TMEM117: variants seen among roughly 807,000 people sequenced by gnomAD.
The protein encoded by TMEM117 is transmembrane protein 117.
Under a neutral mutation model 52.4 loss-of-function variants are expected in TMEM117, and 27 were observed. That is an observed-to-expected ratio of 0.51 (90% confidence interval 0.38 to 0.71). TMEM117 has a LOEUF of 0.71. TMEM117 is among the 30% of genes least tolerant of loss of function. The pLI, the probability that TMEM117 is intolerant of heterozygous loss-of-function variation, is 0.00. For missense variants in TMEM117, 556 were observed against 630.5 expected (o/e 0.88, Z 1.26); for synonymous variants, 215 against 206.3 (o/e 1.04, Z -0.36).
At chr12:44,314,133 CTA>C (rs376150636) in intron 6 of TMEM117, among the ~76,000 whole-genome samples, 2 of 152,272 alleles carry the variant, frequency 1.3e-5, no homozygotes, top group African/African-American at 4.8e-5. Flanking sequence ...ACTTCCAACA[CTA>C]TGTTGAATAG....
At chr12:44,171,790 G>A (rs1565859413) in intron 4 of TMEM117, among the ~76,000 whole-genome samples, 1 of 152,010 alleles carries the variant, frequency 6.6e-6, no homozygotes. Context: ...GAGAGGGGAC[G>A]GTAACTTTAG....
intron 2 of TMEM117, among the ~76,000 whole-genome samples, chr12:43,876,087 C>A (rs950080752): frequency 2.0e-5 from 3 of 152,216 alleles, no homozygotes; most frequent in African/African-American, 7.2e-5. Flanking sequence ...TCTGAAGGTA[C>A]AAGAGAAAAG....
intron 2 of TMEM117, among the ~76,000 whole-genome samples, chr12:43,920,547 G>GC (rs200555381): frequency 2.3e-4 from 27 of 118,254 alleles, no homozygotes; most frequent in African/African-American, 8.6e-4. Context: ...AACCTAGAGG[G>GC]CCTTTTTTTT....
chr12:44,229,415 C>T (rs752167658), intron 5 of TMEM117, among the ~76,000 whole-genome samples: 5 of 152,032 alleles, frequency 3.3e-5, no homozygotes. Context: ...CAGAGTCACC[C>T]CACTATGACC....
intron 2 of TMEM117, among the ~76,000 whole-genome samples, chr12:43,927,755 G>GTATATAAT (rs1463757088): frequency 6.6e-6 from 1 of 151,704 alleles, no homozygotes; most frequent in Non-Finnish European, 1.5e-5. Flanking sequence ...GTTTTATCTG[G>GTATATAAT]TATATAATTT....
chr12:43,822,864 T>C, the TMEM117 span, among the ~76,000 whole-genome samples: 2 of 150,800 alleles, frequency 1.3e-5, no homozygotes, highest in African/African-American at 2.4e-5. Context: ...ATTATGCCAC[T>C]GCACTACAGC....
chr12:44,303,125 C>A (rs1420056855), intron 6 of TMEM117, among the ~76,000 whole-genome samples: 1 of 151,886 alleles, frequency 6.6e-6, no homozygotes, highest in African/African-American at 2.4e-5. Context: ...CTCACTGCAA[C>A]CTCTGCCTCC....
intron 3 of TMEM117, among the ~76,000 whole-genome samples, chr12:44,031,429 C>A (rs184185246): frequency 1.3e-5 from 2 of 152,002 alleles, no homozygotes; most frequent in East Asian, 1.9e-4. Flanking sequence ...TATAGGACTT[C>A]GACAGGTGCA....
In TMEM117 at chr12:43,990,916, TTA is replaced by T. The variant is rs148181758; in HGVS notation, c.410+46576_410+46577del. On this transcript the variant is annotated intron_variant, in intron 3 of 7. Transcript: ENST00000266534. ...TACATTGTCCATGGAAATTAGCATA[TTA>T]TTATACGCTGGTGCTTTAGGGAATT... Among the ~76,000 whole-genome samples the T allele has an allele frequency of 6.0e-3, 908 of 152,312 alleles. 11 individuals are homozygous for T. The highest frequency in any genetic ancestry group is 0.021 in the African/African-American group (855 of 41,554).
At chr12:43,947,185 A>T (rs907656961) in intron 3 of TMEM117, among the ~76,000 whole-genome samples, 3 of 152,060 alleles carry the variant, frequency 2.0e-5, no homozygotes, top group Admixed American at 6.6e-5. Flanking sequence ...AAATAAAAAA[A>T]CTTAGCTGGG....
At chr12:44,396,083 A>G in the TMEM117 span, among the ~76,000 whole-genome samples, 2 of 152,118 alleles carry the variant, frequency 1.3e-5, no homozygotes, top group East Asian at 3.9e-4. Context: ...AATAAAATGC[A>G]TATTACTGCC....
At chr12:43,946,406 T>TTTTTA (rs147787124) in intron 3 of TMEM117, among the ~76,000 whole-genome samples, 4 of 131,834 alleles carry the variant, frequency 3.0e-5, no homozygotes, top group African/African-American at 8.3e-5. Context: ...TTTGTTTTTT[T>TTTTTA]ATCTAGAGCT....
At chr12:44,106,712 G>GA (rs1947960799) in intron 3 of TMEM117, among the ~76,000 whole-genome samples, 1 of 141,116 alleles carries the variant, frequency 7.1e-6, no homozygotes, top group African/African-American at 2.6e-5. Context: ...CTGAATCACA[G>GA]AAAAATTCTT....
intron 5 of TMEM117, among the ~76,000 whole-genome samples, chr12:44,257,198 T>G (rs1353180956): frequency 6.7e-6 from 1 of 149,788 alleles, no homozygotes; most frequent in Admixed American, 6.7e-5. Flanking sequence ...ATGGGAAGAG[T>G]TTTCCTCTTA....
chr12:44,012,427 A>T (rs1946308057), intron 3 of TMEM117, among the ~76,000 whole-genome samples: 2 of 146,564 alleles, frequency 1.4e-5, no homozygotes, highest in African/African-American at 2.5e-5. Context: ...TCTTTTTCTG[A>T]TATTCCCATT....
chr12:44,337,981 A>C (rs929763570), intron 6 of TMEM117, among the ~76,000 whole-genome samples: 1 of 152,106 alleles, frequency 6.6e-6, no homozygotes, highest in Non-Finnish European at 1.5e-5. Flanking sequence ...TTAAAGTAGA[A>C]GGAAAAGCAC....
intron 4 of TMEM117, among the ~76,000 whole-genome samples, chr12:44,156,434 G>A (rs1415048819): frequency 1.3e-5 from 2 of 152,010 alleles, no homozygotes; most frequent in African/African-American, 4.8e-5. Context: ...ATAAGGCTAT[G>A]ATTCCCAAAT....
chr12:43,971,470 C>G (rs188414850), intron 3 of TMEM117, among the ~76,000 whole-genome samples: 46 of 152,290 alleles, frequency 3.0e-4, no homozygotes, highest in African/African-American at 9.9e-4. Context: ...TCTTTTAGTT[C>G]TATGAAGAGG....
intron 2 of TMEM117, among the ~76,000 whole-genome samples, chr12:43,891,439 C>A (rs1006991758): frequency 8.0e-6 from 1 of 125,500 alleles, no homozygotes; most frequent in Non-Finnish European, 1.6e-5. Context: ...GTGGCGTGAT[C>A]TCAGCTCACT....
Sources: allele counts gnomAD v4.1 joint callset (sites outside exome capture counted in the v4.1 genomes callset), GRCh38; gene constraint gnomAD v4.1.1; transcripts MANE v1.5; gene names NCBI Gene and HGNC (gene_info 2026-07-23, HGNC 2026-07-21).